Variants in LATS1 observed in about 807,000 individuals in gnomAD.
The protein encoded by LATS1 is large tumor suppressor kinase 1.
Under a neutral mutation model 106.6 loss-of-function variants are expected in LATS1, and 25 were observed. The observed-to-expected ratio is 0.23, with a 90% CI of 0.17 to 0.33. The LOEUF is 0.33. LATS1 is among the 10% of genes least tolerant of loss of function. The pLI, the probability that LATS1 is intolerant of heterozygous loss-of-function variation, is 1.00. For missense variants in LATS1, 1,040 were observed against 1,382.6 expected (o/e 0.75, Z 3.93); for synonymous variants, 465 against 455.6 (o/e 1.02, Z -0.26).
At chr6:149,708,228 A>G (rs990609158) in intron 1 of LATS1, among the ~76,000 whole-genome samples, 5 of 152,104 alleles carry the variant, frequency 3.3e-5, no homozygotes, top group Admixed American at 6.6e-5. Flanking sequence ...CACCCTGGTC[A>G]ATATGGTGAA....
At chr6:149,711,568 TC>T (rs1043772224) in intron 1 of LATS1, among the ~76,000 whole-genome samples, 7 of 152,032 alleles carry the variant, frequency 4.6e-5, no homozygotes, top group African/African-American at 1.7e-4. Flanking sequence ...AATTTTTTTT[TC>T]TTAAATCATC....
chr6:149,702,283 G>C lies in LATS1; in HGVS notation c.-140-17C>G. 3 of 568,590 alleles carry C rather than the reference G, an allele frequency of 5.3e-6. 1 individual carries two copies. Among genetic ancestry groups the C allele is most frequent in the Middle Eastern group, 9.1e-4 (2 of 2,186 alleles). The allele number at this position is 568,590 out of a possible 1,614,324, so 35.2% of individuals were successfully genotyped here. On this transcript the variant is annotated splice_polypyrimidine_tract_variant and intron_variant, in intron 1 of 7. Transcript: ENST00000543571. ...TAATTAACTCTGTAAAAGAAAGAAA[G>C]AAAGGAAAGCTATAAAGTGGTTAAT...
intron 7 of LATS1, among the ~76,000 whole-genome samples, chr6:149,663,454 G>T (rs1371604892): frequency 6.6e-6 from 1 of 152,146 alleles, no homozygotes; most frequent in African/African-American, 2.4e-5. Flanking sequence ...CAGCCTGGGC[G>T]ACAGAGCAAG....
intron 1 of LATS1, among the ~76,000 whole-genome samples, chr6:149,710,326 A>T (rs1784018288): frequency 6.6e-6 from 1 of 152,162 alleles, no homozygotes; most frequent in Non-Finnish European, 1.5e-5. Flanking sequence ...TCGACACTGG[A>T]AGCGGGGTAT....
chr6:149,705,505 CACTT>C (rs1163026075), intron 1 of LATS1, among the ~76,000 whole-genome samples: 2 of 151,768 alleles, frequency 1.3e-5, no homozygotes, highest in Non-Finnish European at 2.9e-5. Context: ...TTCAATATCT[CACTT>C]ACTTTGGGTT....
At chr6:149,694,450 T>C (rs1433848783) in intron 3 of LATS1, among the ~76,000 whole-genome samples, 1 of 152,180 alleles carries the variant, frequency 6.6e-6, no homozygotes, top group Admixed American at 6.5e-5. Context: ...ATTGAGCTTA[T>C]AGGTGTGAGC....
chr6:149,697,488 C>T (rs978784738), intron 2 of LATS1, among the ~76,000 whole-genome samples: 1 of 151,948 alleles, frequency 6.6e-6, no homozygotes, highest in Non-Finnish European at 1.5e-5. Flanking sequence ...TTGAGCTAAT[C>T]GTAATTAACT....
In LATS1 at chr6:149,661,367, C is replaced by T. The variant is rs1780876528; in HGVS notation, c.*362G>A. 1 of 240,796 alleles carries T rather than the reference C, an allele frequency of 4.2e-6. No homozygotes were observed. The highest frequency in any genetic ancestry group is 1.8e-4 in the South Asian group (1 of 5,644). 14.9% of individuals were successfully genotyped at this position (240,796 alleles called of 1,614,324 possible). On this transcript the variant is annotated 3_prime_UTR_variant, in exon 8 of 8. Transcript: ENST00000543571. ...GCAAGATAAAACTAAAACTGTCTTT[C>T]AAAAAAATTTCAAAAACTCTTGTAT... is the stretch of plus-strand genomic sequence containing the variant.
intron 1 of LATS1, among the ~76,000 whole-genome samples, chr6:149,711,272 C>T (rs1784075948): frequency 1.3e-5 from 2 of 151,968 alleles, no homozygotes; most frequent in South Asian, 2.1e-4. Context: ...TGGCCGGGCA[C>T]GGTGCCTCAC....
intron 2 of LATS1, among the ~76,000 whole-genome samples, chr6:149,695,491 T>C (rs562163788): frequency 6.6e-6 from 1 of 152,202 alleles, no homozygotes; most frequent in East Asian, 1.9e-4. Context: ...CTGACCAACA[T>C]GGTAAAAAAC....
intron 1 of LATS1, among the ~76,000 whole-genome samples, chr6:149,713,612 T>C (rs896790845): frequency 7.2e-5 from 11 of 152,170 alleles, no homozygotes; most frequent in African/African-American, 2.7e-4. Flanking sequence ...AATATTTTCA[T>C]TGGCAGCACC....
intron 2 of LATS1, among the ~76,000 whole-genome samples, chr6:149,699,746 A>G (rs963921044): frequency 7.2e-5 from 11 of 152,334 alleles, no homozygotes; most frequent in African/African-American, 2.4e-4. Context: ...ATTAGAAAGA[A>G]CTTTTAATTA....
intron 7 of LATS1, among the ~76,000 whole-genome samples, chr6:149,668,866 T>C (rs1318642527): frequency 6.6e-6 from 1 of 151,808 alleles, no homozygotes; most frequent in Non-Finnish European, 1.5e-5. Context: ...AGTGGTACAC[T>C]CTTAGCTCTT....
chr6:149,659,515 T>G lies in LATS1; in HGVS notation c.*2214A>C. On this transcript the variant is annotated 3_prime_UTR_variant, in exon 8 of 8. Coordinates refer to ENST00000543571, the MANE Select transcript of LATS1 (RefSeq NM_004690.4). The stretch of plus-strand genomic sequence containing the variant: ...TGTAGTGTCTGTTACATTTCAGCAA[T>G]AGGGGGAATACAGATTTTGTGGGAA... The G allele has an allele frequency of 4.4e-6, 1 of 229,122 alleles. No homozygotes were observed. The highest frequency in any genetic ancestry group is 8.7e-6 in the Non-Finnish European group (1 of 115,470). 14.2% of individuals were successfully genotyped at this position (229,122 alleles called of 1,614,324 possible). A position where few individuals can be genotyped will look rare whatever the true frequency, so the allele number is the denominator to read the frequency against.
chr6:149,696,287 G>T (rs1407790713), intron 2 of LATS1, among the ~76,000 whole-genome samples: 2 of 150,152 alleles, frequency 1.3e-5, no homozygotes, highest in African/African-American at 4.9e-5. Flanking sequence ...AACTCTTTTG[G>T]GCTGAGTGCG....
At chr6:149,712,187 GTTTCT>G (rs978972179) in intron 1 of LATS1, among the ~76,000 whole-genome samples, 3 of 151,984 alleles carry the variant, frequency 2.0e-5, no homozygotes, top group Non-Finnish European at 4.4e-5. Context: ...TAGGTGTCAT[GTTTCT>G]TTTATTTATT....
intron 5 of LATS1, among the ~76,000 whole-genome samples, chr6:149,677,349 A>G (rs960198346): frequency 3.3e-5 from 5 of 152,250 alleles, no homozygotes; most frequent in Admixed American, 3.3e-4. Flanking sequence ...CACAGAAATA[A>G]CAGCAACAGA....
chr6:149,717,152 A>G (rs557452664), intron 1 of LATS1, among the ~76,000 whole-genome samples: 33 of 152,364 alleles, frequency 2.2e-4, no homozygotes, highest in African/African-American at 7.7e-4. Flanking sequence ...CCGTATTAAC[A>G]TATGAGTTGA....
intron 7 of LATS1, 72 bp downstream of exon 7, chr6:149,676,188 C>A: frequency 9.7e-7 from 1 of 1,027,060 alleles, no homozygotes; most frequent in Non-Finnish European, 1.5e-6. Context: ...AAATGCTCTA[C>A]GTACTAATAA....
Sources: allele counts gnomAD v4.1 joint callset (sites outside exome capture counted in the v4.1 genomes callset), GRCh38; gene constraint gnomAD v4.1.1; transcripts MANE v1.5; gene names NCBI Gene and HGNC (gene_info 2026-07-23, HGNC 2026-07-21).